The following BLOC1S3 variants were observed in gnomAD, a reference collection of about 807,000 sequenced individuals.
BLOC1S3 encodes the protein biogenesis of lysosome-related organelles complex 1 subunit 3.
BLOC1S3 carries 7 observed loss-of-function variants against 9.1 expected under a neutral mutation model. The ratio of observed to expected loss-of-function variants is 0.77; its 90% CI spans 0.44 to 1.45. The LOEUF (loss-of-function observed/expected upper bound fraction) is 1.45, where lower values mean the gene tolerates loss of function less well. BLOC1S3 is among the 40% of genes most tolerant of loss of function. The pLI, the probability that BLOC1S3 is intolerant of heterozygous loss-of-function variation, is 0.01. For synonymous variants in BLOC1S3, 145 were observed against 158.4 expected, an observed-to-expected ratio of 0.92 and a Z score of 0.64; for missense variants, 307 against 315.2, an observed-to-expected ratio of 0.97 and a Z score of 0.20.
chr19:45,200,471 C>T (rs987569280), intron 2 of BLOC1S3, among the ~76,000 whole-genome samples: 1 of 152,078 alleles, frequency 6.6e-6, no homozygotes, highest in Admixed American at 6.6e-5. Flanking sequence ...TGTGAGACAC[C>T]GTGCCCAGCC....
At position 45,192,688 on chromosome 19, in the gene BLOC1S3, C is replaced by G. The variant is rs77134954; in HGVS notation, n.180+4948C>G. 0.013 allele frequency among the ~76,000 whole-genome samples: 1,909 copies of G among 152,232 alleles called. 117 individuals are homozygous for G. The East Asian group carries it at 0.18, about 14-fold the overall frequency. Reference sequence around the variant, plus strand: ...TTCAAGGCAGCAGTTTCTTTTCTGGCCCAGATGTTTCTAGAAATCGCCTTG... The same window carrying G: ...TTCAAGGCAGCAGTTTCTTTTCTGGGCCAGATGTTTCTAGAAATCGCCTTG... On this transcript the variant is annotated intron_variant and non_coding_transcript_variant, in intron 2 of 3. Transcript: ENST00000591569.
chr19:45,198,396 A>G (rs1361834217), intron 2 of BLOC1S3, among the ~76,000 whole-genome samples: 2 of 152,024 alleles, frequency 1.3e-5, no homozygotes, highest in East Asian at 1.9e-4. Flanking sequence ...GGTTCAAGCA[A>G]TTCTCCTGCC....
At chr19:45,201,202 CAAAA>C (rs35443104) in intron 2 of BLOC1S3, among the ~76,000 whole-genome samples, 9 of 126,888 alleles carry the variant, frequency 7.1e-5, no homozygotes, top group Non-Finnish European at 1.2e-4. Context: ...GACCCTGTCT[CAAAA>C]AAAAAAAAAA....
intron 2 of BLOC1S3, among the ~76,000 whole-genome samples, chr19:45,196,200 A>G (rs981781996): frequency 1.3e-5 from 2 of 151,024 alleles, no homozygotes; most frequent in Non-Finnish European, 3.0e-5. Flanking sequence ...TTAATTTTTT[A>G]TTTTTTTTTG....
rs907378758 is a variant in BLOC1S3 at position 45,179,591 on chromosome 19, G to A, written c.295G>A (p.Ala99Thr). The A allele has an allele frequency of 2.3e-5, 34 of 1,480,192 alleles. No individual in the cohort carries two copies. Among genetic ancestry groups the A allele is most frequent in the Non-Finnish European group, 3.0e-5 (34 of 1,122,206 alleles). 91.7% of individuals were successfully genotyped at this position (1,480,192 alleles called of 1,614,324 possible). ...SAEEAWGTEE[A>T]PAPAPARSLL... ...GGAGGAGGCCTGGGGCACGGAGGAG[G>A]CCCCGGCGCCCGCCCCCGCGCGCTC... The change falls in exon 2 of 2, where the codon GCC (alanine) becomes ACC (threonine). Residue 99 changes from alanine (A) to threonine (T), a missense_variant. Physicochemically the swap from Ala to Thr is moderately conservative, Grantham distance 58 (BLOSUM62 0). Transcript: ENST00000433642. This position sits in a 1 kb window ranked among gnomAD's most constrained non-coding sequence, Gnocchi z 4.6.
At chr19:45,210,046 A>AAAAACAAAAC (rs61681909) in intron 3 of BLOC1S3, among the ~76,000 whole-genome samples, 30 of 152,044 alleles carry the variant, frequency 2.0e-4, no homozygotes, top group African/African-American at 7.0e-4. Flanking sequence ...ACTCTGTCTC[A>AAAAACAAAAC]AAAACAAAAC....
downstream of BLOC1S3, among the ~76,000 whole-genome samples, chr19:45,185,361 A>G (rs1003210098): frequency 6.6e-5 from 10 of 152,174 alleles, no homozygotes; most frequent in African/African-American, 2.4e-4. Flanking sequence ...CCTTCACACC[A>G]TCACACGGCA....
At position 45,179,431 on chromosome 19, in the gene BLOC1S3, C is replaced by T. The variant is rs751579086; in HGVS notation, c.135C>T (p.Gly45=). 4.6e-6 allele frequency: 7 copies of T among 1,532,292 alleles called. No homozygotes were observed. The highest frequency in any genetic ancestry group is 2.4e-5 in the East Asian group (1 of 40,824). 94.9% of individuals were successfully genotyped at this position (1,532,292 alleles called of 1,614,324 possible). A position where few individuals can be genotyped will look rare whatever the true frequency, so the allele number is the denominator to read the frequency against. ...AGGAGCTGTACCTGGGTCCTTCGGGCCCGACGCGCGGCCGCCCCACGGGGC... is the reference window on the plus strand; with the variant it reads ...AGGAGCTGTACCTGGGTCCTTCGGGTCCGACGCGCGGCCGCCCCACGGGGC... ...EEEELYLGPS[G]PTRGRPTGLR... Residue 45 remains glycine (G), a synonymous_variant, in exon 2 of 2, where the codon GGC becomes GGT. Transcript: ENST00000433642. This position sits in a 1 kb window ranked among gnomAD's most constrained non-coding sequence, Gnocchi z 4.6.
intron 2 of BLOC1S3, among the ~76,000 whole-genome samples, chr19:45,192,756 C>T (rs552542774): frequency 1.5e-4 from 23 of 152,218 alleles, no homozygotes; most frequent in South Asian, 1.0e-3. Flanking sequence ...CTGCTTGGTG[C>T]GCTATCCTAC....
intron 3 of BLOC1S3, among the ~76,000 whole-genome samples, chr19:45,210,459 T>C (rs955002012): frequency 6.1e-4 from 93 of 151,702 alleles, no homozygotes; most frequent in African/African-American, 2.2e-3. Flanking sequence ...CCACCACGCC[T>C]GGCTAAGTTT....
chr19:45,215,634 CATGGAACGGATGAGGAA>C (rs1969824448), intron 3 of BLOC1S3, among the ~76,000 whole-genome samples: 1 of 152,186 alleles, frequency 6.6e-6, no homozygotes. Context: ...CTACTATCCC[CATGGAACGGATGAGGAA>C]ACTGAGGCTC....
intron 3 of BLOC1S3, among the ~76,000 whole-genome samples, chr19:45,208,161 G>A (rs2122937166): frequency 6.6e-6 from 1 of 150,502 alleles, no homozygotes; most frequent in East Asian, 2.0e-4. Context: ...TTTTAGTAGA[G>A]ACGGGTTTTG....
At chr19:45,184,140 G>A (rs1475393987), downstream of BLOC1S3, among the ~76,000 whole-genome samples, 3 of 151,874 alleles carry the variant, frequency 2.0e-5, no homozygotes, top group South Asian at 2.1e-4. Context: ...CCTTTCTTTC[G>A]GTGGGGTCTC....
At chr19:45,206,987 G>A (rs916579887) in intron 3 of BLOC1S3, among the ~76,000 whole-genome samples, 1 of 151,872 alleles carries the variant, frequency 6.6e-6, no homozygotes, top group East Asian at 1.9e-4. Flanking sequence ...GATTATAGGC[G>A]CCTGCCACCA....
In BLOC1S3 at chr19:45,179,966, C is replaced by G; in HGVS notation, c.*61C>G. 1 of 1,562,434 alleles carries G rather than the reference C, an allele frequency of 6.4e-7. No individual in the cohort carries two copies. Among genetic ancestry groups the G allele is most frequent in the Non-Finnish European group, 8.7e-7 (1 of 1,151,892 alleles). ...GGGTAGGCCTTGCTGCCTCTGGGAC[C>G]TGACTCTGTCTCCTGTGTCTCTTAT... On this transcript the variant is annotated 3_prime_UTR_variant, in exon 2 of 2. Coordinates refer to ENST00000433642, the MANE Select transcript of BLOC1S3 (RefSeq NM_212550.5). This position sits in a 1 kb window ranked among gnomAD's most constrained non-coding sequence, Gnocchi z 4.6.
At chr19:45,214,382 C>A (rs1278333803) in intron 3 of BLOC1S3, among the ~76,000 whole-genome samples, 1 of 152,196 alleles carries the variant, frequency 6.6e-6, no homozygotes, top group African/African-American at 2.4e-5. Flanking sequence ...CCGGCAGCCA[C>A]CACCACTGCC....
At chr19:45,211,697 AGTCCCTC>A (rs1969772716) in intron 3 of BLOC1S3, among the ~76,000 whole-genome samples, 6 of 151,428 alleles carry the variant, frequency 4.0e-5, no homozygotes. Flanking sequence ...GGGCTCCGAG[AGTCCCTC>A]GTCTCTACCT....
chr19:45,183,349 G>T (rs1969540959), downstream of BLOC1S3, among the ~76,000 whole-genome samples: 1 of 151,760 alleles, frequency 6.6e-6, no homozygotes, highest in Non-Finnish European at 1.5e-5. Flanking sequence ...GGTGGCACAT[G>T]CCTGTAATCC....
intron 2 of BLOC1S3, among the ~76,000 whole-genome samples, chr19:45,194,015 G>T (rs1379998127): frequency 7.2e-6 from 1 of 137,986 alleles, no homozygotes; most frequent in Non-Finnish European, 1.5e-5. Flanking sequence ...GTGTTAGCCA[G>T]GATGGTCTCG....
Sources: gnomAD v4.1 joint callset for allele counts (sites outside exome capture counted in the v4.1 genomes callset) on GRCh38, gnomAD v4.1.1 for gene constraint, Gnocchi (gnomAD v3.1) non-coding constraint, MANE v1.5 for transcripts, NCBI Gene and HGNC (gene_info 2026-07-23, HGNC 2026-07-21) for gene names.